ADGRG3: variants seen among roughly 807,000 people sequenced by gnomAD.
ADGRG3 encodes the protein adhesion G protein-coupled receptor G3.
Under a neutral mutation model 54.3 loss-of-function variants are expected in ADGRG3, and 39 were observed. The observed-to-expected ratio is 0.72, with a 90% confidence interval of 0.56 to 0.94. The LOEUF is 0.94. Among genes scored for constraint, ADGRG3 ranks in the 40% least tolerant of loss-of-function variants. ADGRG3 has a pLI of 0.00. For missense variants in ADGRG3, 654 were observed against 694.6 expected, an observed-to-expected ratio of 0.94 and a Z score of 0.66; for synonymous variants, 312 against 290.0, an observed-to-expected ratio of 1.08 and a Z score of -0.77.
chr16:57,689,366 T>C lies in ADGRG3; in HGVS notation c.*905T>C, dbSNP rs2048527741. 1 of 163,174 alleles carries C rather than the reference T, an allele frequency of 6.1e-6. No homozygotes were observed. The highest frequency in any genetic ancestry group is 1.3e-5 in the Non-Finnish European group (1 of 74,654). 10.1% of individuals were successfully genotyped at this position (163,174 alleles called of 1,614,324 possible). On this transcript the variant is annotated 3_prime_UTR_variant, in exon 12 of 12. Coordinates refer to ENST00000333493, the MANE Select transcript of ADGRG3 (RefSeq NM_170776.5). ...GCTCGTGGCAAACCTTGAATAAATA[T>C]TTGTTGGCTGAATGAGTGGATGTAT...
rs370257316 is a variant in ADGRG3, at chr16:57,683,978, G to T, written c.928G>T (p.Val310Leu). 3.1e-6 allele frequency: 5 copies of T among 1,593,454 alleles called. No individual in the cohort carries two copies. The South Asian group carries it at 5.6e-5, about 18-fold the overall frequency. The change falls in exon 9 of 12, where the codon GTG becomes TTG. Residue 310 changes from valine (V) to leucine (L), a missense_variant. Val to Leu is a conservative substitution (Grantham distance 32, BLOSUM62 1). Transcript: ENST00000333493. ...GTCAGAAGATGCCCCAAAGATCCAC[G>T]TGGCCCTGGGTGGCAGCCTGTTCCT... ...FKSEDAPKIH[V>L]ALGGSLFLLN...
chr16:57,684,808 G>A (rs2048443658), intron 10 of ADGRG3, among the ~76,000 whole-genome samples: 1 of 152,192 alleles, frequency 6.6e-6, no homozygotes, highest in Non-Finnish European at 1.5e-5. Context: ...CCGTCCGCAT[G>A]CGGGGTGCGC....
Position 57,685,873 on chromosome 16 carries a change from C to T in ADGRG3, c.1487C>T (p.Thr496Ile), listed in dbSNP as rs1170065182. The change falls in exon 11 of 12, where the codon ACC becomes ATC. Residue 496 changes from threonine (T) to isoleucine (I), a missense_variant. Coordinates refer to ENST00000333493, the MANE Select transcript of ADGRG3 (RefSeq NM_170776.5). ...GTGACATGGGGGTTGGCCATCTTCACCCCGTTGGGCCTCTCCACCGTCTAC... is the reference window on the plus strand; with the variant it reads ...GTGACATGGGGGTTGGCCATCTTCATCCCGTTGGGCCTCTCCACCGTCTAC... ...VGVTWGLAIF[T>I]PLGLSTVYIF... is the part of the protein sequence containing the mutation. 1.9e-6 allele frequency: 3 copies of T among 1,614,002 alleles called. No homozygotes were observed. The highest frequency in any genetic ancestry group is 1.1e-5 in the South Asian group (1 of 91,082).
upstream of ADGRG3, among the ~76,000 whole-genome samples, chr16:57,666,085 G>A (rs902785388): frequency 1.9e-4 from 29 of 152,100 alleles, no homozygotes; most frequent in Non-Finnish European, 3.4e-4. Context: ...CCCAGTGTCC[G>A]GATTGGGCAG....
intron 1 of ADGRG3, among the ~76,000 whole-genome samples, chr16:57,671,964 G>T (rs895125172): frequency 6.6e-6 from 1 of 152,156 alleles, no homozygotes; most frequent in African/African-American, 2.4e-5. Context: ...TTTGAGATCA[G>T]CCTGGGCAAC....
In ADGRG3 at chr16:57,688,360, A is replaced by G. The variant is rs372515822; in HGVS notation, c.1549A>G (p.Ile517Val). 20 of 1,610,324 alleles carry G rather than the reference A, an allele frequency of 1.2e-5. No individual in the cohort carries two copies. In the African/African-American group the frequency reaches 2.5e-4, roughly 20 times the overall value. ...CCTCTCCTTCCTAACAGGTGTCTTC[A>G]TCTGCTGCTGGTTCACCATCCTTTA... is the stretch of plus-strand genomic sequence containing the variant. ...ALFNSLQGVF[I>V]CCWFTILYLP... is the part of the protein sequence containing the mutation. The change falls in exon 12 of 12, where the codon ATC becomes GTC. Residue 517 changes from isoleucine (I) to valine (V), a missense_variant. Physicochemically the swap from Ile to Val is conservative, Grantham distance 29. Transcript: ENST00000333493.
chr16:57,675,560 G>A (rs967425162), intron 2 of ADGRG3, among the ~76,000 whole-genome samples: 1 of 152,190 alleles, frequency 6.6e-6, no homozygotes, highest in Non-Finnish European at 1.5e-5. Flanking sequence ...GAACCCGGGA[G>A]GCGGAGGTTG....
intron 10 of ADGRG3, 73 bp downstream of exon 10, chr16:57,684,556 G>C: frequency 2.8e-6 from 3 of 1,079,162 alleles, no homozygotes; most frequent in Admixed American, 2.1e-5. Context: ...AGAGAGGTGG[G>C]GAGAGGAGGG....
At chr16:57,676,940 C>T (rs190659664) in intron 3 of ADGRG3, among the ~76,000 whole-genome samples, 1 of 152,356 alleles carries the variant, frequency 6.6e-6, no homozygotes, top group East Asian at 1.9e-4. Flanking sequence ...AAGCCTCCTG[C>T]CTTCTGGAAG....
intron 1 of ADGRG3, among the ~76,000 whole-genome samples, chr16:57,671,561 C>G (rs542890651): frequency 1.6e-3 from 237 of 152,238 alleles, no homozygotes; most frequent in Non-Finnish European, 2.9e-3. Flanking sequence ...TCTCAAACTC[C>G]TGACCTCAGG....
intron 1 of ADGRG3, among the ~76,000 whole-genome samples, chr16:57,672,771 G>T (rs1345849075): frequency 6.6e-6 from 1 of 152,200 alleles, no homozygotes; most frequent in East Asian, 1.9e-4. Context: ...TTGGTTTGCT[G>T]TATTTTCTAC....
intron 3 of ADGRG3, 46 bp from the exon 4 acceptor site, chr16:57,678,124 G>A: frequency 6.2e-7 from 1 of 1,601,716 alleles, no homozygotes; most frequent in Non-Finnish European, 8.5e-7. Context: ...CAGGACTCGT[G>A]TTGGGGGGTG....
chr16:57,673,436 C>A lies in ADGRG3; in HGVS notation c.174C>A (p.Gly58=). 6.2e-7 allele frequency: 1 copy of A among 1,611,518 alleles called. No homozygotes were observed. The highest frequency in any genetic ancestry group is 8.5e-7 in the Non-Finnish European group (1 of 1,177,696). ...ALCFTKCRQS[G]SDSCNVENLQ... is the part of the protein sequence containing the mutation. The stretch of plus-strand genomic sequence containing the variant: ...GCTTCACCAAGTGCAGGCAGTCGGG[C>A]AGCGACTCCTGCAATGTGGAAAACT... Residue 58 remains glycine, a synonymous_variant, in exon 2 of 12, where the codon GGC becomes GGA. Transcript: ENST00000333493.
At chr16:57,669,830 C>A (rs1408263105) in intron 1 of ADGRG3, among the ~76,000 whole-genome samples, 1 of 152,132 alleles carries the variant, frequency 6.6e-6, no homozygotes, top group Non-Finnish European at 1.5e-5. Context: ...GCATGTGAGA[C>A]CCAGCTGTTA....
At position 57,673,353 on chromosome 16, in the gene ADGRG3, A is replaced by C; in HGVS notation, c.91A>C (p.Thr31Pro). 1 of 1,613,726 alleles carries C rather than the reference A, an allele frequency of 6.2e-7. No homozygotes were observed. The highest frequency in any genetic ancestry group is 8.5e-7 in the Non-Finnish European group (1 of 1,179,684). ...QEKPTEGPRN[T>P]CLGSNNMYDI... ...AAAGCCCACCGAAGGGCCAAGAAAC[A>C]CCTGCCTGGGGAGCAACAACATGTA... Residue 31 changes from threonine (T) to proline (P), a missense_variant, in exon 2 of 12, where the codon ACC becomes CCC. Coordinates refer to ENST00000333493, the MANE Select transcript of ADGRG3 (RefSeq NM_170776.5).
Position 57,668,342 on chromosome 16 carries a change from C to T in ADGRG3, c.-6C>T. The T allele has an allele frequency of 6.4e-7, 1 of 1,567,358 alleles. No individual in the cohort carries two copies. Among genetic ancestry groups the T allele is most frequent in the Non-Finnish European group, 8.6e-7 (1 of 1,161,988 alleles). On this transcript the variant is annotated 5_prime_UTR_variant, in exon 1 of 12. Coordinates refer to ENST00000333493, the MANE Select transcript of ADGRG3 (RefSeq NM_170776.5). ...GAGCTCCTGGCGTGGGCAAGGCTGGCCAAGGATGGCGACGCCCAGGGGCCT... is the reference window on the plus strand; with the variant it reads ...GAGCTCCTGGCGTGGGCAAGGCTGGTCAAGGATGGCGACGCCCAGGGGCCT...
At chr16:57,678,751 C>T (rs747782227) in intron 4 of ADGRG3, 2 of 315,482 alleles carry the variant, frequency 6.3e-6, no homozygotes, top group Admixed American at 9.0e-5. Flanking sequence ...TGCATCCACT[C>T]CTGTGCAGAC....
intron 11 of ADGRG3, 143 bp downstream of exon 11, chr16:57,686,069 G>C: frequency 1.2e-6 from 1 of 864,478 alleles, no homozygotes. Context: ...AATACTCAGA[G>C]CAAGGATCCA....
rs768829905 is a variant in ADGRG3 at position 57,688,439 on chromosome 16, C to T, written c.1628C>T (p.Ala543Val). 2.5e-6 allele frequency: 4 copies of T among 1,606,686 alleles called. No homozygotes were observed. The East Asian group carries it at 8.9e-5, about 36-fold the overall frequency. ...TCCTCTACTGCAAGATTGGACCAGGCCCACTCCGCATCTCAAGAATAGGAA... is the reference window on the plus strand; with the variant it reads ...TCCTCTACTGCAAGATTGGACCAGGTCCACTCCGCATCTCAAGAATAGGAA... ...VSSSTARLDQ[A>V]HSASQE Residue 543 changes from alanine to valine, a missense_variant, in exon 12 of 12, where the codon GCC becomes GTC. By Grantham distance (64) the Ala-to-Val change is moderately conservative. Coordinates refer to ENST00000333493, the MANE Select transcript of ADGRG3 (RefSeq NM_170776.5).
Sources: gnomAD v4.1 joint callset for allele counts (sites outside exome capture counted in the v4.1 genomes callset) on GRCh38, gnomAD v4.1.1 for gene constraint, MANE v1.5 for transcripts, NCBI Gene and HGNC (gene_info 2026-07-23, HGNC 2026-07-21) for gene names.